Variants in PRTG observed in about 807,000 individuals in gnomAD.
The protein encoded by PRTG is protogenin.
PRTG carries 67 observed loss-of-function variants against 122.5 expected under a neutral mutation model. That is an observed-to-expected ratio of 0.55 (90% CI 0.45 to 0.67). The LOEUF (loss-of-function observed/expected upper bound fraction) is 0.67, where lower values mean the gene tolerates loss of function less well. Ranked by LOEUF, PRTG falls within the 30% of genes least tolerant of loss-of-function variation. The probability of loss-of-function intolerance (pLI) is 0.00; values close to 1 mark genes in which losing one functional copy is unlikely to be tolerated. For missense variants in PRTG, 1,435 were observed against 1,415.4 expected, an observed-to-expected ratio of 1.01 and a Z score of -0.22; for synonymous variants, 554 against 501.1, an observed-to-expected ratio of 1.11 and a Z score of -1.41.
intron 16 of PRTG, 31 bp from the exon 17 acceptor site, chr15:55,627,159 A>C: frequency 6.7e-7 from 1 of 1,483,634 alleles, no homozygotes; most frequent in Non-Finnish European, 9.1e-7. Flanking sequence ...ACTCAGAATC[A>C]ATCAGAAAAA....
In PRTG at chr15:55,612,657, G is replaced by A. The variant is rs944143332; in HGVS notation, c.*7355C>T. 3.6e-5 allele frequency: 5 copies of A among 137,562 alleles called. 1 individual carries two copies. The highest frequency in any genetic ancestry group is 1.4e-4 in the African/African-American group (5 of 35,214). 8.5% of individuals were successfully genotyped at this position (137,562 alleles called of 1,614,324 possible). A position where few individuals can be genotyped will look rare whatever the true frequency, so the allele number is the denominator to read the frequency against. On this transcript the variant is annotated 3_prime_UTR_variant, in exon 20 of 20. Coordinates refer to ENST00000389286, the MANE Select transcript of PRTG (RefSeq NM_173814.6). ...ACTTTTCTCCTCACCCATCTATCCTGCTGGACAGATCTGATTCTCTCTTTA... is the reference window on the plus strand; with the variant it reads ...ACTTTTCTCCTCACCCATCTATCCTACTGGACAGATCTGATTCTCTCTTTA...
At chr15:55,648,507 T>C (rs1039692930) in intron 11 of PRTG, among the ~76,000 whole-genome samples, 18 of 152,196 alleles carry the variant, frequency 1.2e-4, no homozygotes, top group African/African-American at 4.3e-4. Flanking sequence ...CATGCCTTCG[T>C]CCGGCATTTT....
intron 2 of PRTG, among the ~76,000 whole-genome samples, chr15:55,698,383 C>T (rs549215373): frequency 6.6e-5 from 10 of 152,256 alleles, no homozygotes; most frequent in Non-Finnish European, 7.4e-5. Flanking sequence ...CTCAACTTCC[C>T]GGGCTACAGC....
Position 55,678,033 on chromosome 15 carries a change from A to G in PRTG, c.1145T>C (p.Ile382Thr). 1 of 1,583,348 alleles carries G rather than the reference A, an allele frequency of 6.3e-7. No individual in the cohort carries two copies. The highest frequency in any genetic ancestry group is 8.6e-7 in the Non-Finnish European group (1 of 1,156,888). Residue 382 changes from isoleucine to threonine, a missense_variant, in exon 8 of 20, where the codon ATT becomes ACT. Ile to Thr is a moderately conservative substitution (Grantham distance 89). Transcript: ENST00000389286. ...ATCATCTTCAGGAATAATCTGGTTA[A>G]TTACCAATTTACTAGGGAAAGAAAA... is the stretch of plus-strand genomic sequence containing the variant. ...RIKMYNSKLV[I>T]NQIIPEDDAI...
rs533113399 is a variant in PRTG at position 55,614,518 on chromosome 15, C to T, written c.*5494G>A. 2.0e-5 allele frequency: 3 copies of T among 152,268 alleles called. No individual in the cohort carries two copies. The highest frequency in any genetic ancestry group is 6.5e-5 in the Admixed American group (1 of 15,282). The allele number at this position is 152,268 out of a possible 1,614,324, so 9.4% of individuals were successfully genotyped here. A position where few individuals can be genotyped will look rare whatever the true frequency, so the allele number is the denominator to read the frequency against. The stretch of plus-strand genomic sequence containing the variant: ...CCTGTGTTTTGAGGTCTTCCCCCAA[C>T]TCTTCCCCAGCAACATAACCACTGA... On this transcript the variant is annotated 3_prime_UTR_variant, in exon 20 of 20. Coordinates refer to ENST00000389286, the MANE Select transcript of PRTG (RefSeq NM_173814.6).
intron 11 of PRTG, among the ~76,000 whole-genome samples, chr15:55,660,813 T>C (rs2059405737): frequency 1.3e-5 from 2 of 152,200 alleles, no homozygotes; most frequent in Non-Finnish European, 2.9e-5. Context: ...CAAAGTGCTA[T>C]AAAAATATTG....
chr15:55,715,491 A>C (rs1266628778), intron 2 of PRTG, among the ~76,000 whole-genome samples: 1 of 152,188 alleles, frequency 6.6e-6, no homozygotes, highest in African/African-American at 2.4e-5. Context: ...TGGGGCCTTG[A>C]GAGTATGTGA....
In PRTG at chr15:55,680,512, T is replaced by C. The variant is rs1214962642; in HGVS notation, c.793A>G (p.Ile265Val). The C allele has an allele frequency of 6.9e-6, 11 of 1,596,904 alleles. 1 individual carries two copies. The highest frequency in any genetic ancestry group is 8.5e-6 in the Non-Finnish European group (10 of 1,172,430). Residue 265 changes from isoleucine to valine, a missense_variant, in exon 5 of 20, where the codon ATC (isoleucine) becomes GTC (valine). By Grantham distance (29) the Ile-to-Val change is conservative. Transcript: ENST00000389286. ...TTACCAAGGCGGCTCCAAGAAATGA[T>C]TGGTTTGGGATTTCCTGTGGCCATG... ...ECMATGNPKP[I>V]ISWSRLDHKS...
chr15:55,682,430 G>C lies in PRTG; in HGVS notation c.610C>G (p.Arg204Gly). 1 of 1,605,160 alleles carries C rather than the reference G, an allele frequency of 6.2e-7. No homozygotes were observed. Among genetic ancestry groups the C allele is most frequent in the Non-Finnish European group, 8.5e-7 (1 of 1,174,568 alleles). ...TGGGCTACAGTGGCAGCAATACAAC[G>C]ATAATTTCCAGAATCCCTTTGGCTG... ...DVSQRDSGNY[R>G]CIAATVAHRR... Residue 204 changes from arginine (R) to glycine (G), a missense_variant, in exon 4 of 20, where the codon CGT becomes GGT. Transcript: ENST00000389286.
intron 8 of PRTG, 37 bp downstream of exon 8, chr15:55,677,760 G>A (rs2059510921): frequency 6.3e-7 from 1 of 1,595,522 alleles, no homozygotes; most frequent in Non-Finnish European, 8.6e-7. Flanking sequence ...TTGATAGCAA[G>A]GAGTACTTAA....
intron 2 of PRTG, among the ~76,000 whole-genome samples, chr15:55,715,935 T>C (rs1393870643): frequency 2.0e-5 from 3 of 152,210 alleles, no homozygotes; most frequent in Admixed American, 6.5e-5. Context: ...AGGTAGACTA[T>C]TCAATAAAAC....
intron 6 of PRTG, 89 bp from the exon 7 acceptor site, chr15:55,679,534 C>T: frequency 2.0e-6 from 2 of 980,542 alleles, no homozygotes; most frequent in Middle Eastern, 3.0e-4. Context: ...ATGAAACAAG[C>T]CCCATTCCTG....
chr15:55,739,660 G>C (rs1385746514), intron 2 of PRTG, among the ~76,000 whole-genome samples: 1 of 152,118 alleles, frequency 6.6e-6, no homozygotes, highest in Non-Finnish European at 1.5e-5. Flanking sequence ...ATCTTTACAC[G>C]CAACAGTTAC....
At position 55,694,691 on chromosome 15, in the gene PRTG, C is replaced by G. The variant is rs118143430; in HGVS notation, c.398-10760G>C. 2.4e-3 allele frequency among the ~76,000 whole-genome samples: 364 copies of G among 152,242 alleles called. 2 individuals are homozygous for G. Among genetic ancestry groups the G allele is most frequent in the Admixed American group, 4.2e-3 (64 of 15,296 alleles). On this transcript the variant is annotated intron_variant, in intron 2 of 19. Coordinates refer to ENST00000389286, the MANE Select transcript of PRTG (RefSeq NM_173814.6). ...CATTAAACTGAGTAAATGACTATGTCTTTCACAATGAATGTTAGAGCCTTT... is the reference window on the plus strand; with the variant it reads ...CATTAAACTGAGTAAATGACTATGTGTTTCACAATGAATGTTAGAGCCTTT...
chr15:55,634,201 G>A (rs975554031), intron 15 of PRTG, among the ~76,000 whole-genome samples: 6 of 151,246 alleles, frequency 4.0e-5, no homozygotes, highest in Non-Finnish European at 5.9e-5. Context: ...CCTAGTAGCT[G>A]GGATTACAGG....
At chr15:55,651,840 A>G (rs2059354664) in intron 11 of PRTG, among the ~76,000 whole-genome samples, 1 of 152,194 alleles carries the variant, frequency 6.6e-6, no homozygotes, top group African/African-American at 2.4e-5. Flanking sequence ...TTTCCCCCAA[A>G]GGAGTGACTC....
In PRTG at chr15:55,677,832, A is replaced by C. The variant is rs1249782227; in HGVS notation, c.1346T>G (p.Val449Gly). Residue 449 changes from valine (V) to glycine (G), a missense_variant, in exon 8 of 20, where the codon GTC becomes GGC. Transcript: ENST00000389286. The part of the protein sequence containing the change: ...WERPLYNSDK[V>G]IAYSVHYMKA... ...CATGTAGTGTACAGAATAGGCAATGACTTTGTCTGAATTATAAAGTGGCCT... is the reference window on the plus strand; with the variant it reads ...CATGTAGTGTACAGAATAGGCAATGCCTTTGTCTGAATTATAAAGTGGCCT... The C allele has an allele frequency of 6.2e-7, 1 of 1,613,894 alleles. No homozygotes were observed. Among genetic ancestry groups the C allele is most frequent in the South Asian group, 1.1e-5 (1 of 91,076 alleles).
intron 2 of PRTG, among the ~76,000 whole-genome samples, chr15:55,729,345 T>A (rs1329654664): frequency 2.0e-5 from 3 of 152,116 alleles, no homozygotes; most frequent in African/African-American, 7.2e-5. Context: ...AGTAAATTCG[T>A]GGCTGCTAGA....
At chr15:55,641,030 T>G in intron 12 of PRTG, 83 bp downstream of exon 12, 1 of 916,836 alleles carries the variant, frequency 1.1e-6, no homozygotes, top group South Asian at 1.4e-5. Context: ...TTCCAAGTAG[T>G]AGTGAGACTG....
Sources: gnomAD v4.1 joint callset for allele counts (sites outside exome capture counted in the v4.1 genomes callset) on GRCh38, gnomAD v4.1.1 for gene constraint, MANE v1.5 for transcripts, NCBI Gene and HGNC (gene_info 2026-07-23, HGNC 2026-07-21) for gene names.